NTM: variants seen among roughly 807,000 people sequenced by gnomAD.
The protein encoded by NTM is IgLON family member 2.
Under a neutral mutation model 42.1 loss-of-function variants are expected in NTM, and 13 were observed. The observed-to-expected ratio is 0.31, with a 90% CI of 0.20 to 0.49. The LOEUF is 0.49. Ranked by LOEUF, NTM falls within the 20% of genes least tolerant of loss-of-function variation. NTM has a pLI of 0.99. For synonymous variants in NTM, 187 were observed against 179.2 expected (o/e 1.04, Z -0.35); for missense variants, 373 against 452.8 (o/e 0.82, Z 1.60).
chr11:132,103,719 C>T (rs2061916003), intron 2 of NTM, among the ~76,000 whole-genome samples: 1 of 152,190 alleles, frequency 6.6e-6, no homozygotes, highest in Admixed American at 6.5e-5. Flanking sequence ...ATTCGTGTCT[C>T]AACTGTACCA....
chr11:131,933,848 AT>A (rs1422971132), intron 2 of NTM, among the ~76,000 whole-genome samples: 7 of 147,512 alleles, frequency 4.7e-5, no homozygotes, highest in African/African-American at 1.7e-4. Context: ...AATAATATAA[AT>A]TCTAGTGGGC....
At chr11:131,924,567 A>T (rs1234726614) in intron 2 of NTM, among the ~76,000 whole-genome samples, 1 of 152,198 alleles carries the variant, frequency 6.6e-6, no homozygotes, top group Non-Finnish European at 1.5e-5. Context: ...CCAGAAAAAC[A>T]TCCCCTGTGA....
intron 1 of NTM, among the ~76,000 whole-genome samples, chr11:131,678,697 T>C (rs2658834): frequency 0.74 from 112,859 of 152,216 alleles, 42,011 homozygotes; most frequent in East Asian, 0.8. Flanking sequence ...TGGCAAGAGC[T>C]CTTGGAGCTC....
intron 4 of NTM, among the ~76,000 whole-genome samples, chr11:132,292,546 T>C (rs2094480758): frequency 6.6e-6 from 1 of 151,866 alleles, no homozygotes; most frequent in East Asian, 1.9e-4. Context: ...TGCTCAAGTG[T>C]CCATGGCAGT....
In NTM at chr11:132,335,905, G is replaced by A. The variant is rs1240712120; in HGVS notation, c.*759G>A. Reference sequence around the variant, plus strand: ...TGAAGAGAAGTATGTTTGTTAAACAGTAAAAATGAATAGTATACTTCTTAA... The same window carrying A: ...TGAAGAGAAGTATGTTTGTTAAACAATAAAAATGAATAGTATACTTCTTAA... On this transcript the variant is annotated 3_prime_UTR_variant, in exon 9 of 9. Transcript: ENST00000683400. 1 of 152,516 alleles carries A rather than the reference G, an allele frequency of 6.6e-6. No individual in the cohort carries two copies. Among genetic ancestry groups the A allele is most frequent in the Non-Finnish European group, 1.5e-5 (1 of 68,016 alleles). 9.4% of individuals were successfully genotyped at this position (152,516 alleles called of 1,614,324 possible).
At chr11:131,742,171 A>G (rs1214080519) in intron 1 of NTM, among the ~76,000 whole-genome samples, 1 of 152,212 alleles carries the variant, frequency 6.6e-6, no homozygotes, top group Non-Finnish European at 1.5e-5. Flanking sequence ...ACCAATCCCC[A>G]TGACACAAGT....
chr11:131,588,019 G>C (rs1049639042), intron 1 of NTM, among the ~76,000 whole-genome samples: 2 of 152,212 alleles, frequency 1.3e-5, no homozygotes, highest in Non-Finnish European at 2.9e-5. Context: ...CTATGTGCCA[G>C]GCACTGTTCT....
At position 132,234,429 on chromosome 11, in the gene NTM, C is replaced by T. The variant is rs117718067; in HGVS notation, c.526+22282C>T. On this transcript the variant is annotated intron_variant, in intron 4 of 8. Transcript: ENST00000683400. The stretch of plus-strand genomic sequence containing the variant: ...CCATATTTTACCATCACCAACTCTT[C>T]TTCCTGCCTCTTCACCCTCTCTCCC... 5.3e-3 allele frequency among the ~76,000 whole-genome samples: 801 copies of T among 152,248 alleles called. 3 individuals carry two copies. Among genetic ancestry groups the T allele is most frequent in the Non-Finnish European group, 9.0e-3 (609 of 67,996 alleles).
rs1565684826 is a variant in NTM, at chr11:131,598,683, T to TTTTCTTTCTTTCTTTCTTTCTC, written c.82+227816_82+227817insCTTTCTTTCTTTCTTTCTTTCT. Among the ~76,000 whole-genome samples the TTTTCTTTCTTTCTTTCTTTCTC allele has an allele frequency of 5.2e-3, 393 of 74,872 alleles. 110 individuals carry two copies. The highest frequency in any genetic ancestry group is 0.012 in the Admixed American group (82 of 6,732). The allele number at this position is 74,872 out of a possible 152,430, so 49.1% of individuals were successfully genotyped here. ...AGAACTACTACTCTCTTCTCATTTGTTTTCTTTCTTTCTTTCTTTCTTTCT... is the reference window on the plus strand; with the variant it reads ...AGAACTACTACTCTCTTCTCATTTGTTTTCTTTCTTTCTTTCTTTCTCTTTCTTTCTTTCTTTCTTTCTTTCT... On this transcript the variant is annotated intron_variant, in intron 1 of 8. Transcript: ENST00000683400.
intron 1 of NTM, among the ~76,000 whole-genome samples, chr11:131,448,615 A>G (rs1950245996): frequency 6.6e-6 from 1 of 152,234 alleles, no homozygotes; most frequent in Admixed American, 6.5e-5. Context: ...TTCTCAGTCC[A>G]TCAGTGCAGA....
chr11:131,511,838 T>C (rs932651909), intron 1 of NTM, among the ~76,000 whole-genome samples: 11 of 152,136 alleles, frequency 7.2e-5, no homozygotes, highest in Admixed American at 3.3e-4. Context: ...CCATTGTAAC[T>C]GAAAGCACTT....
Position 131,789,622 on chromosome 11 carries a change from GAAGAAGAAGAAGA to G in NTM, c.83-121939_83-121927del, listed in dbSNP as rs2090433209. Among the ~76,000 whole-genome samples the G allele has an allele frequency of 1.2e-4, 10 of 85,610 alleles. 1 individual carries two copies. Among genetic ancestry groups the G allele is most frequent in the Non-Finnish European group, 2.1e-4 (9 of 43,138 alleles). 56.2% of individuals were successfully genotyped at this position (85,610 alleles called of 152,430 possible). ...AGAAGAAGAAGAAGAAGAAGAAGAA[GAAGAAGAAGAAGA>G]AAAGAAGAAGAAGAAGAAGAAGAAG... On this transcript the variant is annotated intron_variant, in intron 1 of 8. Transcript: ENST00000683400.
At chr11:131,871,410 A>G (rs2047768097) in intron 1 of NTM, among the ~76,000 whole-genome samples, 1 of 152,234 alleles carries the variant, frequency 6.6e-6, no homozygotes, top group Non-Finnish European at 1.5e-5. Context: ...TCATGAGTAA[A>G]TAAATAAAGC....
At chr11:132,265,140 A>G (rs573143966) in intron 4 of NTM, among the ~76,000 whole-genome samples, 4 of 152,268 alleles carry the variant, frequency 2.6e-5, no homozygotes, top group African/African-American at 9.6e-5. Flanking sequence ...TTCTCGTAGT[A>G]TTGTCTTTTA....
chr11:131,843,709 G>C (rs1409144959), intron 1 of NTM, among the ~76,000 whole-genome samples: 1 of 152,084 alleles, frequency 6.6e-6, no homozygotes, highest in Non-Finnish European at 1.5e-5. Context: ...ATGCGAATAG[G>C]CAATTTTCTG....
At chr11:131,457,819 T>G (rs1413655955) in intron 1 of NTM, among the ~76,000 whole-genome samples, 2 of 152,138 alleles carry the variant, frequency 1.3e-5, no homozygotes. Context: ...GATGGAGACC[T>G]CATGGATGGG....
At chr11:131,721,363 C>A (rs1274265481) in intron 1 of NTM, among the ~76,000 whole-genome samples, 1 of 152,106 alleles carries the variant, frequency 6.6e-6, no homozygotes, top group Non-Finnish European at 1.5e-5. Context: ...AAGGCCTGTG[C>A]AAGTTACCAA....
At chr11:131,887,042 T>A (rs898929763) in intron 1 of NTM, among the ~76,000 whole-genome samples, 1 of 152,234 alleles carries the variant, frequency 6.6e-6, no homozygotes, top group Non-Finnish European at 1.5e-5. Context: ...AAGCCCCTGA[T>A]GAATAAGTTC....
At chr11:131,557,350 G>A (rs1033777021) in intron 1 of NTM, among the ~76,000 whole-genome samples, 2 of 152,060 alleles carry the variant, frequency 1.3e-5, no homozygotes, top group Non-Finnish European at 2.9e-5. Flanking sequence ...TTGACGCCCC[G>A]ACCCTGTGAA....
Sources: gnomAD v4.1 joint callset for allele counts (sites outside exome capture counted in the v4.1 genomes callset) on GRCh38, gnomAD v4.1.1 for gene constraint, MANE v1.5 for transcripts, NCBI Gene and HGNC (gene_info 2026-07-23, HGNC 2026-07-21) for gene names.